Variants in CLIC6 observed in about 807,000 individuals in gnomAD.
CLIC6 encodes chloride intracellular channel protein 6.
CLIC6 carries 39 observed loss-of-function variants against 49.2 expected under a neutral mutation model. The observed-to-expected ratio is 0.79, with a 90% confidence interval of 0.61 to 1.04. CLIC6 has a LOEUF of 1.04. CLIC6 is among the 50% of genes least tolerant of loss of function. CLIC6 has a pLI of 0.00. For missense variants in CLIC6, 988 were observed against 993.1 expected, an observed-to-expected ratio of 0.99 and a Z score of 0.07; for synonymous variants, 446 against 433.4, an observed-to-expected ratio of 1.03 and a Z score of -0.36.
rs57210806 is a variant in CLIC6, at chr21:34,694,135, A to ATTTTTTTT, written c.1375-13135_1375-13128dup. On this transcript the variant is annotated intron_variant, in intron 1 of 5. Coordinates refer to ENST00000349499, the MANE Select transcript of CLIC6 (RefSeq NM_053277.3). Reference sequence around the variant, plus strand: ...ACTACAGCACCACCACGCCTGGTTAATTTTTTTTTTTTTTTTTGTATTTTT... The same window carrying ATTTTTTTT: ...ACTACAGCACCACCACGCCTGGTTAATTTTTTTTTTTTTTTTTTTTTTTTTGTATTTTT... Among the ~76,000 whole-genome samples, 220 of 128,406 alleles carry ATTTTTTTT rather than the reference A, an allele frequency of 1.7e-3. 3 individuals are homozygous for ATTTTTTTT. The highest frequency in any genetic ancestry group is 6.4e-3 in the African/African-American group (204 of 32,006). 84.2% of individuals were successfully genotyped at this position (128,406 alleles called of 152,430 possible).
At chr21:34,710,667 G>A (rs2056050368) in intron 5 of CLIC6, among the ~76,000 whole-genome samples, 1 of 152,106 alleles carries the variant, frequency 6.6e-6, no homozygotes, top group Admixed American at 6.5e-5. Flanking sequence ...CAAAAAATTA[G>A]CCAGGTGTGG....
chr21:34,704,969 C>A (rs2056004577), intron 1 of CLIC6, among the ~76,000 whole-genome samples: 1 of 152,116 alleles, frequency 6.6e-6, no homozygotes, highest in African/African-American at 2.4e-5. Context: ...CAAGATGCCC[C>A]TCACTGGAAC....
intron 1 of CLIC6, among the ~76,000 whole-genome samples, chr21:34,706,345 T>C (rs1476046878): frequency 2.0e-5 from 3 of 152,226 alleles, no homozygotes; most frequent in Non-Finnish European, 4.4e-5. Context: ...GGGATGGTTC[T>C]AAACCATTCA....
At position 34,669,577 on chromosome 21, in the gene CLIC6, C is replaced by A. The variant is rs1367725220; in HGVS notation, c.189C>A (p.Gly63=). ...CCGCTGTGAAGGAGGCAGGAGGCGG[C>A]GGGCCAGACAGGGGCCCGGAGGCCG... is the stretch of plus-strand genomic sequence containing the variant. The part of the protein sequence containing the change: ...GAAAVKEAGG[G]GPDRGPEAEA... The change falls in exon 1 of 6, where the codon GGC becomes GGA. Residue 63 remains glycine, a synonymous_variant. Transcript: ENST00000349499. 1 of 1,257,064 alleles carries A rather than the reference C, an allele frequency of 8.0e-7. No homozygotes were observed. Among genetic ancestry groups the A allele is most frequent in the Non-Finnish European group, 1.0e-6 (1 of 1,003,936 alleles). The allele number at this position is 1,257,064 out of a possible 1,614,324, so 77.9% of individuals were successfully genotyped here. A position where few individuals can be genotyped will look rare whatever the true frequency, so the allele number is the denominator to read the frequency against.
intron 1 of CLIC6, among the ~76,000 whole-genome samples, chr21:34,671,013 G>T (rs947381997): frequency 5.9e-5 from 9 of 151,436 alleles, no homozygotes; most frequent in Admixed American, 5.9e-4. Flanking sequence ...GTGCGATGGG[G>T]GCCAATGAGG....
chr21:34,676,120 G>A (rs1467469602), intron 1 of CLIC6, among the ~76,000 whole-genome samples: 1 of 152,116 alleles, frequency 6.6e-6, no homozygotes, highest in Non-Finnish European at 1.5e-5. Flanking sequence ...AGCCTTTGTC[G>A]GGCCGACTCA....
chr21:34,671,714 T>C (rs1347036689), intron 1 of CLIC6, among the ~76,000 whole-genome samples: 2 of 152,202 alleles, frequency 1.3e-5, no homozygotes, highest in African/African-American at 4.8e-5. Flanking sequence ...CCTTCAGAAA[T>C]ACTTCCAGGC....
intron 1 of CLIC6, chr21:34,706,183 A>C (rs1330624963): frequency 3.6e-6 from 2 of 548,426 alleles, no homozygotes; most frequent in Non-Finnish European, 6.5e-6. Flanking sequence ...CAGCCTCACA[A>C]AGCTCACAGT....
chr21:34,670,200 A>T lies in CLIC6; in HGVS notation c.812A>T (p.Glu271Val), dbSNP rs1007864420. The T allele has an allele frequency of 2.1e-6, 3 of 1,401,284 alleles. No individual in the cohort carries two copies. Among genetic ancestry groups the T allele is most frequent in the African/African-American group, 3.1e-5 (2 of 65,512 alleles). The allele number at this position is 1,401,284 out of a possible 1,614,324, so 86.8% of individuals were successfully genotyped here. A position where few individuals can be genotyped will look rare whatever the true frequency, so the allele number is the denominator to read the frequency against. ...GGGGTCCCGGCGGGGGACAGCGTAG[A>T]AGCCGAAGGCCCGGCGGGGGACAGC... ...EAGVPAGDSVEAEGPAGDSMD... is the reference protein window; with the variant it reads ...EAGVPAGDSVVAEGPAGDSMD... Residue 271 changes from glutamate to valine, a missense_variant, in exon 1 of 6, where the codon GAA (glutamate) becomes GTA (valine). Coordinates refer to ENST00000349499, the MANE Select transcript of CLIC6 (RefSeq NM_053277.3).
intron 1 of CLIC6, among the ~76,000 whole-genome samples, chr21:34,683,765 C>T (rs1989824095): frequency 6.6e-6 from 1 of 152,182 alleles, no homozygotes; most frequent in Non-Finnish European, 1.5e-5. Context: ...CACCTTCCAC[C>T]ATGATTGTAA....
At chr21:34,676,574 G>C (rs1177625369) in intron 1 of CLIC6, among the ~76,000 whole-genome samples, 1 of 152,214 alleles carries the variant, frequency 6.6e-6, no homozygotes, top group African/African-American at 2.4e-5. Context: ...CATGCTGTTT[G>C]ACACATAACA....
chr21:34,670,192 C>G lies in CLIC6; in HGVS notation c.804C>G (p.Asp268Glu), dbSNP rs548102329. The change falls in exon 1 of 6, where the codon GAC (aspartate) becomes GAG (glutamate). Residue 268 changes from aspartate (D) to glutamate (E), a missense_variant. By Grantham distance (45) the Asp-to-Glu change is conservative. Coordinates refer to ENST00000349499, the MANE Select transcript of CLIC6 (RefSeq NM_053277.3). Reference sequence around the variant, plus strand: ...TAGAAGCGGGGGTCCCGGCGGGGGACAGCGTAGAAGCCGAAGGCCCGGCGG... The same window carrying G: ...TAGAAGCGGGGGTCCCGGCGGGGGAGAGCGTAGAAGCCGAAGGCCCGGCGG... ...DGVEAGVPAG[D>E]SVEAEGPAGD... 3.4e-5 allele frequency: 30 copies of G among 884,650 alleles called. No homozygotes were observed. The East Asian group carries it at 1.0e-3, about 30-fold the overall frequency. The allele number at this position is 884,650 out of a possible 1,614,324, so 54.8% of individuals were successfully genotyped here. A position where few individuals can be genotyped will look rare whatever the true frequency, so the allele number is the denominator to read the frequency against.
chr21:34,674,499 A>C (rs1416357286), intron 1 of CLIC6, among the ~76,000 whole-genome samples: 1 of 152,226 alleles, frequency 6.6e-6, no homozygotes, highest in Non-Finnish European at 1.5e-5. Flanking sequence ...TTTGCTTCTA[A>C]TTAGCCATCT....
At chr21:34,703,166 A>G (rs2055991712) in intron 1 of CLIC6, among the ~76,000 whole-genome samples, 1 of 152,196 alleles carries the variant, frequency 6.6e-6, no homozygotes, top group Non-Finnish European at 1.5e-5. Context: ...CTCGGTTGAA[A>G]GCCAGTTATC....
At chr21:34,685,655 CCAAA>C (rs1989863094) in intron 1 of CLIC6, among the ~76,000 whole-genome samples, 1 of 152,308 alleles carries the variant, frequency 6.6e-6, no homozygotes, top group Admixed American at 6.5e-5. Flanking sequence ...ATGTAACTCT[CCAAA>C]CAGAGAATCC....
intron 1 of CLIC6, among the ~76,000 whole-genome samples, chr21:34,690,769 T>C (rs1015667364): frequency 1.3e-5 from 2 of 148,512 alleles, no homozygotes; most frequent in African/African-American, 5.0e-5. Context: ...GATTTCAGCC[T>C]GGGTCAGGGT....
At chr21:34,685,462 CTT>C (rs1170583759) in intron 1 of CLIC6, among the ~76,000 whole-genome samples, 2 of 152,194 alleles carry the variant, frequency 1.3e-5, no homozygotes, top group Non-Finnish European at 2.9e-5. Context: ...AAAATCAACA[CTT>C]TTTTGGTGCC....
At chr21:34,691,700 C>T (rs1290405924) in intron 1 of CLIC6, among the ~76,000 whole-genome samples, 1 of 152,230 alleles carries the variant, frequency 6.6e-6, no homozygotes, top group African/African-American at 2.4e-5. Flanking sequence ...TTTGGTCCTA[C>T]AGCACATTGT....
At chr21:34,690,619 T>G (rs1485782549) in intron 1 of CLIC6, among the ~76,000 whole-genome samples, 3 of 152,128 alleles carry the variant, frequency 2.0e-5, no homozygotes, top group African/African-American at 7.2e-5. Flanking sequence ...ACCCTGACAC[T>G]GGGTTGCTGT....
Sources: allele counts gnomAD v4.1 joint callset (sites outside exome capture counted in the v4.1 genomes callset), GRCh38; gene constraint gnomAD v4.1.1; transcripts MANE v1.5; gene names NCBI Gene and HGNC (gene_info 2026-07-23, HGNC 2026-07-21).